The following PRMT8 variants were observed in gnomAD, a reference collection of about 807,000 sequenced individuals.
PRMT8 encodes the protein protein arginine N-methyltransferase 8.
A neutral mutation model predicts 47.1 loss-of-function variants in PRMT8; 7 were observed. The ratio of observed to expected loss-of-function variants is 0.15; its 90% CI spans 0.08 to 0.28. PRMT8 has a LOEUF of 0.28. Among genes scored for constraint, PRMT8 ranks in the 10% least tolerant of loss-of-function variants. PRMT8 has a pLI of 1.00. For missense variants in PRMT8, 237 were observed against 505.4 expected, an observed-to-expected ratio of 0.47 and a Z score of 5.09; for synonymous variants, 188 against 186.5, an observed-to-expected ratio of 1.01 and a Z score of -0.07.
At chr12:3,496,565 C>T (rs1178442961) in intron 1 of PRMT8, among the ~76,000 whole-genome samples, 2 of 151,948 alleles carry the variant, frequency 1.3e-5, no homozygotes, top group South Asian at 2.1e-4. Flanking sequence ...AGACAGACTT[C>T]CTGGTTTTCA....
In PRMT8 at chr12:3,453,248, C is replaced by T. The variant is rs950985698; in HGVS notation, c.48+71806C>T. On this transcript the variant is annotated intron_variant, in intron 1 of 9. Transcript: ENST00000452611. The surrounding 1 kb of genome is among the most constrained non-coding windows in gnomAD (Gnocchi z 4.9). ...CGGTTCCTTCCCTCCCCACGCCCCTCGCTCACTCTAGTCCTGGCTCCCTTT... is the reference window on the plus strand; with the variant it reads ...CGGTTCCTTCCCTCCCCACGCCCCTTGCTCACTCTAGTCCTGGCTCCCTTT... 3.3e-5 allele frequency among the ~76,000 whole-genome samples: 5 copies of T among 152,140 alleles called. No homozygotes were observed. The highest frequency in any genetic ancestry group is 4.8e-5 in the African/African-American group (2 of 41,410).
chr12:3,393,156 T>A (rs1247848675), intron 1 of PRMT8, among the ~76,000 whole-genome samples: 1 of 152,238 alleles, frequency 6.6e-6, no homozygotes, highest in African/African-American at 2.4e-5. Flanking sequence ...TCTCCCATTT[T>A]GTAGGTTGCC....
At chr12:3,408,341 C>T (rs1864393557) in intron 1 of PRMT8, among the ~76,000 whole-genome samples, 1 of 152,012 alleles carries the variant, frequency 6.6e-6, no homozygotes, top group Admixed American at 6.5e-5. Flanking sequence ...TCAAGTGATC[C>T]TCCCATCTCA....
At chr12:3,520,156 A>T (rs1204634010) in intron 1 of PRMT8, among the ~76,000 whole-genome samples, 1 of 152,198 alleles carries the variant, frequency 6.6e-6, no homozygotes, top group Non-Finnish European at 1.5e-5. Context: ...CAGAGTGGGG[A>T]CAAACCGGAG....
intron 1 of PRMT8, among the ~76,000 whole-genome samples, chr12:3,459,919 G>A (rs1304996791): frequency 1.3e-5 from 2 of 152,154 alleles, no homozygotes; most frequent in Non-Finnish European, 2.9e-5. Flanking sequence ...ATGAGGTTGA[G>A]AGGCCCCCGT....
intron 9 of PRMT8, among the ~76,000 whole-genome samples, chr12:3,592,823 T>C (rs74862672): frequency 0.027 from 4,095 of 152,280 alleles, 63 homozygotes; most frequent in East Asian, 0.038. Context: ...ACAGAACACT[T>C]AACCACCCCA....
chr12:3,526,982 A>G (rs1033946010), intron 1 of PRMT8, among the ~76,000 whole-genome samples: 13 of 152,144 alleles, frequency 8.5e-5, no homozygotes, highest in African/African-American at 2.7e-4. Flanking sequence ...TTTACATTTA[A>G]TGTAATTATT....
At chr12:3,404,270 A>G (rs942187279) in intron 1 of PRMT8, among the ~76,000 whole-genome samples, 3 of 152,178 alleles carry the variant, frequency 2.0e-5, no homozygotes, top group Non-Finnish European at 2.9e-5. Context: ...TAATTTACAA[A>G]CATTTTAGCT....
Position 3,582,950 on chromosome 12 carries a change from C to G in PRMT8, c.829-108C>G, listed in dbSNP as rs1867098010. On this transcript the variant is annotated intron_variant, in intron 7 of 9. Transcript: ENST00000382622. ...AATCACCCCAAGAATAAAGATATCC[C>G]TCAGAGAGCTGACAGACCACAGTCT... The G allele has an allele frequency of 2.2e-6, 3 of 1,338,356 alleles. No homozygotes were observed. In the South Asian group the frequency reaches 4.3e-5, roughly 19 times the overall value. The allele number at this position is 1,338,356 out of a possible 1,614,324, so 82.9% of individuals were successfully genotyped here.
chr12:3,492,285 G>C lies in PRMT8; in HGVS notation c.75+585G>C, dbSNP rs982477470. 6.6e-6 allele frequency among the ~76,000 whole-genome samples: 1 copy of C among 152,024 alleles called. No individual in the cohort carries two copies. The highest frequency in any genetic ancestry group is 6.5e-5 in the Admixed American group (1 of 15,268). ...CACCTCCTACAGACCCTCCGGCCCA[G>C]ATCTGGGCCAGAGAGAAGTCTGCAA... On this transcript the variant is annotated intron_variant, in intron 1 of 9. Coordinates refer to ENST00000382622, the MANE Select transcript of PRMT8 (RefSeq NM_019854.5). The surrounding 1 kb of genome is among the most constrained non-coding windows in gnomAD (Gnocchi z 7.5).
At chr12:3,462,539 A>T (rs536816076) in intron 1 of PRMT8, among the ~76,000 whole-genome samples, 1 of 152,162 alleles carries the variant, frequency 6.6e-6, no homozygotes, top group Non-Finnish European at 1.5e-5. Context: ...AAATGAATAT[A>T]TAGCTCAAAA....
intron 6 of PRMT8, among the ~76,000 whole-genome samples, chr12:3,571,829 A>G (rs1252041234): frequency 2.6e-5 from 4 of 152,248 alleles, no homozygotes; most frequent in Non-Finnish European, 5.9e-5. Flanking sequence ...CATTTCAAAT[A>G]AATGGAGACT....
At position 3,514,518 on chromosome 12, in the gene PRMT8, C is replaced by T. The variant is rs2878580; in HGVS notation, c.75+22818C>T. Among the ~76,000 whole-genome samples the T allele has an allele frequency of 0.1, 15,733 of 152,194 alleles. 1,014 individuals are homozygous for T. Among genetic ancestry groups the T allele is most frequent in the African/African-American group, 0.18 (7,616 of 41,508 alleles). ...ATATAAGCGGGTCAGGGTCACCCTGCCTCCAAGTGGAATGTAAATACATAA... is the reference window on the plus strand; with the variant it reads ...ATATAAGCGGGTCAGGGTCACCCTGTCTCCAAGTGGAATGTAAATACATAA... On this transcript the variant is annotated intron_variant, in intron 1 of 9. Coordinates refer to ENST00000382622, the MANE Select transcript of PRMT8 (RefSeq NM_019854.5). This position sits in a 1 kb window ranked among gnomAD's most constrained non-coding sequence, Gnocchi z 5.9.
At position 3,572,004 on chromosome 12, in the gene PRMT8, T is replaced by C. The variant is rs752593049; in HGVS notation, c.712+2440T>C. Among the ~76,000 whole-genome samples, 2 of 152,152 alleles carry C rather than the reference T, an allele frequency of 1.3e-5. No homozygotes were observed. The highest frequency in any genetic ancestry group is 6.5e-5 in the Admixed American group (1 of 15,282). On this transcript the variant is annotated intron_variant, in intron 6 of 9. Transcript: ENST00000382622. This position sits in a 1 kb window ranked among gnomAD's most constrained non-coding sequence, Gnocchi z 5.9. ...GTTCAGCCCCTTTCAGAAAGTAAGT[T>C]GTTAGAGGGAGAGCTTTCTTTCCTT... is the stretch of plus-strand genomic sequence containing the variant.
chr12:3,570,513 C>T lies in PRMT8; in HGVS notation c.712+949C>T, dbSNP rs1293297370. Among the ~76,000 whole-genome samples, 1 of 152,208 alleles carries T rather than the reference C, an allele frequency of 6.6e-6. No homozygotes were observed. Among genetic ancestry groups the T allele is most frequent in the Non-Finnish European group, 1.5e-5 (1 of 68,038 alleles). On this transcript the variant is annotated intron_variant, in intron 6 of 9. Transcript: ENST00000382622. This position sits in a 1 kb window ranked among gnomAD's most constrained non-coding sequence, Gnocchi z 5.5. ...CGGTTCCTGCCCCAACAGGGTGGTCCATTCCTACTTGGCAAGATTACTGTG... is the reference window on the plus strand; with the variant it reads ...CGGTTCCTGCCCCAACAGGGTGGTCTATTCCTACTTGGCAAGATTACTGTG...
intron 6 of PRMT8, among the ~76,000 whole-genome samples, chr12:3,574,939 C>T (rs371952546): frequency 1.3e-5 from 2 of 152,278 alleles, no homozygotes; most frequent in South Asian, 2.1e-4. Flanking sequence ...TGTGTTTTGG[C>T]GTGTACGTTT....
chr12:3,398,491 A>G (rs1864284846), intron 1 of PRMT8, among the ~76,000 whole-genome samples: 1 of 152,234 alleles, frequency 6.6e-6, no homozygotes, highest in South Asian at 2.1e-4. Flanking sequence ...CATACTTCAC[A>G]GAAGCCTTTG....
At chr12:3,574,410 G>T (rs750324586) in intron 6 of PRMT8, among the ~76,000 whole-genome samples, 2 of 152,256 alleles carry the variant, frequency 1.3e-5, no homozygotes, top group Non-Finnish European at 2.9e-5. Flanking sequence ...TAGGTCTGGC[G>T]TGGGCCCTGG....
rs868232908 is a variant in PRMT8, at chr12:3,409,632, G to A, written c.48+28190G>A. On this transcript the variant is annotated intron_variant, in intron 1 of 9. Coordinates refer to the PRMT8 transcript ENST00000452611. This position sits in a 1 kb window ranked among gnomAD's most constrained non-coding sequence, Gnocchi z 4.4. ...TTTTCCACTTGTTTGGCCTGGGGGC[G>A]GGGGTGAGGTGTCCCATCTCAGTCA... Among the ~76,000 whole-genome samples the A allele has an allele frequency of 2.6e-5, 4 of 152,084 alleles. No homozygotes were observed. Among genetic ancestry groups the A allele is most frequent in the Non-Finnish European group, 4.4e-5 (3 of 68,008 alleles).
Sources: allele counts gnomAD v4.1 joint callset (sites outside exome capture counted in the v4.1 genomes callset), GRCh38; gene constraint gnomAD v4.1.1; non-coding constraint Gnocchi (gnomAD v3.1); transcripts MANE v1.5; gene names NCBI Gene and HGNC (gene_info 2026-07-23, HGNC 2026-07-21).